OVCH2: variants seen among roughly 807,000 people sequenced by gnomAD.
The protein encoded by OVCH2 is ovochymase 2.
Under a neutral mutation model 73.7 loss-of-function variants are expected in OVCH2, and 88 were observed. The ratio of observed to expected loss-of-function variants is 1.19; its 90% CI spans 1.01 to 1.43. OVCH2 has a LOEUF of 1.43. Ranked by LOEUF, OVCH2 falls within the 40% of genes most tolerant of loss-of-function variation. The probability of loss-of-function intolerance (pLI) is 0.00; values close to 1 mark genes in which losing one functional copy is unlikely to be tolerated. For missense variants in OVCH2, 706 were observed against 674.5 expected (o/e 1.05, Z -0.52); for synonymous variants, 265 against 234.5 (o/e 1.13, Z -1.19).
intron 12 of OVCH2, among the ~76,000 whole-genome samples, chr11:7,694,521 T>C (rs1335088405): frequency 6.6e-6 from 1 of 152,226 alleles, no homozygotes; most frequent in Non-Finnish European, 1.5e-5. Flanking sequence ...TTGTTATCTA[T>C]AACTTACAAT....
chr11:7,689,714 T>TAAGG, intron 15 of OVCH2, 112 bp from the exon 16 acceptor site: 1 of 650,472 alleles, frequency 1.5e-6, no homozygotes, highest in African/African-American at 1.8e-5. Flanking sequence ...ACACTAGTCA[T>TAAGG]ACTGGATTAG....
In OVCH2 at chr11:7,701,503, G is replaced by A. The variant is rs755737538; in HGVS notation, c.560-28C>T. 31 of 1,600,968 alleles carry A rather than the reference G, an allele frequency of 1.9e-5. No individual in the cohort carries two copies. In the South Asian group the frequency reaches 3.3e-4, roughly 17 times the overall value. On this transcript the variant is annotated intron_variant, in intron 5 of 15. Transcript: ENST00000533663. ...GAAAAACAGAGAGATGGAAGCCCCA[G>A]CAGGAACTCTTTCACCCTTTCTGAG...
intron 12 of OVCH2, among the ~76,000 whole-genome samples, chr11:7,694,397 T>G (rs765501582): frequency 3.9e-5 from 6 of 152,140 alleles, no homozygotes; most frequent in Admixed American, 6.6e-5. Flanking sequence ...CAGGACACCT[T>G]AAGACCCTCT....
At chr11:7,692,910 T>C (rs745583017) in intron 12 of OVCH2, among the ~76,000 whole-genome samples, 1 of 152,246 alleles carries the variant, frequency 6.6e-6, no homozygotes, top group Non-Finnish European at 1.5e-5. Flanking sequence ...TTGAGACCTG[T>C]ATTTTTTGCT....
At chr11:7,689,772 C>T in intron 15 of OVCH2, 152 bp downstream of exon 15, 1 of 694,280 alleles carries the variant, frequency 1.4e-6, no homozygotes, top group Non-Finnish European at 2.6e-6. Context: ...TGTAACAACC[C>T]TATCTCTAAA....
chr11:7,691,190 G>T (rs768169858), intron 14 of OVCH2, 79 bp downstream of exon 14: 3 of 1,488,880 alleles, frequency 2.0e-6, no homozygotes, highest in Non-Finnish European at 2.7e-6. Flanking sequence ...CTGTCTCTGT[G>T]TTGGGCTCTA....
At chr11:7,690,124 C>T (rs1243503476) in intron 14 of OVCH2, 111 bp from the exon 15 acceptor site, 32 of 740,372 alleles carry the variant, frequency 4.3e-5, no homozygotes, top group Non-Finnish European at 5.8e-5. Flanking sequence ...GCACCTCAGC[C>T]AGCTAGACTC....
intron 12 of OVCH2, among the ~76,000 whole-genome samples, chr11:7,693,925 C>G (rs998136740): frequency 3.3e-5 from 5 of 152,166 alleles, no homozygotes; most frequent in Admixed American, 3.3e-4. Flanking sequence ...TAAGTTCTAA[C>G]TTAGTGTGGT....
intron 2 of OVCH2, among the ~76,000 whole-genome samples, chr11:7,704,011 G>C (rs1162958663): frequency 6.6e-6 from 1 of 152,234 alleles, no homozygotes; most frequent in African/African-American, 2.4e-5. Context: ...ATGACTGGCT[G>C]TAAGTATGTG....
rs1171533641 is a variant in OVCH2, at chr11:7,703,717, C to T, written c.271G>A (p.Ala91Thr). 8.7e-6 allele frequency: 14 copies of T among 1,607,352 alleles called. No homozygotes were observed. Among genetic ancestry groups the T allele is most frequent in the Admixed American group, 1.7e-5 (1 of 59,316 alleles). ...IVSPQWVITA[A>T]HCIANRNIVS... ...TCTTACCTGTTTGCAATGCAGTGAG[C>T]CGCCGTGATCACCCACTGTGGTGAG... The change falls in exon 3 of 16, where the codon GCT (alanine) becomes ACT (threonine). Residue 91 changes from alanine (A) to threonine (T), a missense_variant. By Grantham distance (58) the Ala-to-Thr change is moderately conservative. Coordinates refer to ENST00000533663, the MANE Select transcript of OVCH2 (RefSeq NM_198185.7).
In OVCH2 at chr11:7,703,724, G is replaced by A. The variant is rs548098506; in HGVS notation, c.264C>T (p.Ile88=). The stretch of plus-strand genomic sequence containing the variant: ...TGTTTGCAATGCAGTGAGCCGCCGT[G>A]ATCACCCACTGTGGTGAGACGATGC... ...GGSIVSPQWV[I]TAAHCIANRN... is the part of the protein sequence containing the mutation. The change falls in exon 3 of 16, where the codon ATC becomes ATT. Residue 88 remains isoleucine (I), a synonymous_variant. Coordinates refer to ENST00000533663, the MANE Select transcript of OVCH2 (RefSeq NM_198185.7). The A allele has an allele frequency of 4.1e-5, 66 of 1,609,958 alleles. No individual in the cohort carries two copies. In the South Asian group the frequency reaches 7.1e-4, roughly 17 times the overall value.
chr11:7,706,464 G>T lies in OVCH2; in HGVS notation c.-70C>A. 1 of 1,504,322 alleles carries T rather than the reference G, an allele frequency of 6.6e-7. No homozygotes were observed. Among genetic ancestry groups the T allele is most frequent in the Non-Finnish European group, 8.8e-7 (1 of 1,131,222 alleles). The allele number at this position is 1,504,322 out of a possible 1,614,324, so 93.2% of individuals were successfully genotyped here. A position where few individuals can be genotyped will look rare whatever the true frequency, so the allele number is the denominator to read the frequency against. On this transcript the variant is annotated 5_prime_UTR_variant, in exon 1 of 16. Coordinates refer to ENST00000533663, the MANE Select transcript of OVCH2 (RefSeq NM_198185.7). Reference sequence around the variant, plus strand: ...CAAACAAAAATAGGAAGCCTTGAGAGACCAGCAATAAGCCAATTTAAAACA... The same window carrying T: ...CAAACAAAAATAGGAAGCCTTGAGATACCAGCAATAAGCCAATTTAAAACA...
intron 14 of OVCH2, among the ~76,000 whole-genome samples, chr11:7,690,928 A>G (rs1310314022): frequency 2.0e-5 from 3 of 152,214 alleles, no homozygotes; most frequent in Non-Finnish European, 4.4e-5. Flanking sequence ...TTGTTCAGAC[A>G]TGAGTCATAG....
At chr11:7,700,700 T>A (rs1264051478) in intron 6 of OVCH2, among the ~76,000 whole-genome samples, 1 of 152,168 alleles carries the variant, frequency 6.6e-6, no homozygotes, top group Non-Finnish European at 1.5e-5. Flanking sequence ...CTTTTCCTCA[T>A]CCATGGCTTT....
At chr11:7,699,008 G>A in intron 7 of OVCH2, 1 of 461,326 alleles carries the variant, frequency 2.2e-6, no homozygotes, top group East Asian at 4.0e-5. Context: ...GTAATTAACT[G>A]GAGGTTTCAC....
chr11:7,679,310 G>A, the OVCH2 span, among the ~76,000 whole-genome samples: 2 of 152,154 alleles, frequency 1.3e-5, no homozygotes, highest in African/African-American at 2.4e-5. Flanking sequence ...ATTGTTGGGG[G>A]CTCCTGAATA....
the OVCH2 span, among the ~76,000 whole-genome samples, chr11:7,683,367 C>T: frequency 6.6e-6 from 1 of 152,132 alleles, no homozygotes; most frequent in East Asian, 1.9e-4. Flanking sequence ...ATCTCTCTTT[C>T]ACACCTCATA....
the OVCH2 span, among the ~76,000 whole-genome samples, chr11:7,683,476 C>A: frequency 6.6e-6 from 1 of 152,174 alleles, no homozygotes; most frequent in Non-Finnish European, 1.5e-5. Flanking sequence ...AATATCTTAC[C>A]TTGATTATTG....
In OVCH2 at chr11:7,695,614, C is replaced by T. The variant is rs371720345; in HGVS notation, c.1238G>A (p.Gly413Glu). 22 of 1,613,500 alleles carry T rather than the reference C, an allele frequency of 1.4e-5. No homozygotes were observed. In the East Asian group the frequency reaches 4.7e-4, roughly 34 times the overall value. ...FVSDATDNAAGFNLTYKALKP... is the reference protein window; with the variant it reads ...FVSDATDNAAEFNLTYKALKP... ...AAGAGCTTTATAGGTAAGATTAAAC[C>T]CAGCTGCATTATCTGTGGCATCAGA... The change falls in exon 11 of 16, where the codon GGG becomes GAG. Residue 413 changes from glycine to glutamate, a missense_variant. Gly to Glu is a moderately conservative substitution (Grantham distance 98). Coordinates refer to ENST00000533663, the MANE Select transcript of OVCH2 (RefSeq NM_198185.7).
Sources: gnomAD v4.1 joint callset for allele counts (sites outside exome capture counted in the v4.1 genomes callset) on GRCh38, gnomAD v4.1.1 for gene constraint, MANE v1.5 for transcripts, NCBI Gene and HGNC (gene_info 2026-07-23, HGNC 2026-07-21) for gene names.